Variants in ADARB2 observed in about 807,000 individuals in gnomAD.
The protein encoded by ADARB2 is adenosine deaminase RNA specific B2 (inactive).
ADARB2 carries 25 observed loss-of-function variants against 62.2 expected under a neutral mutation model. The ratio of observed to expected loss-of-function variants is 0.40; its 90% CI spans 0.29 to 0.56. The LOEUF (loss-of-function observed/expected upper bound fraction) is 0.56. Among genes scored for constraint, ADARB2 ranks in the 20% least tolerant of loss-of-function variants. The probability of loss-of-function intolerance (pLI) is 0.43; values close to 1 mark genes in which losing one functional copy is unlikely to be tolerated. For missense variants in ADARB2, 1,071 were observed against 1,077.4 expected, an observed-to-expected ratio of 0.99 and a Z score of 0.08; for synonymous variants, 572 against 500.8, an observed-to-expected ratio of 1.14 and a Z score of -1.90.
At chr10:1,527,425 CCT>C (rs1832162176) in intron 1 of ADARB2, among the ~76,000 whole-genome samples, 1 of 137,752 alleles carries the variant, frequency 7.3e-6, no homozygotes, top group Non-Finnish European at 1.6e-5. Context: ...CAGCAAACTG[CCT>C]GATGATATTT....
At chr10:1,626,261 A>ACGCTCTCTCT (rs1564350926) in intron 1 of ADARB2, among the ~76,000 whole-genome samples, 5 of 123,956 alleles carry the variant, frequency 4.0e-5, no homozygotes, top group African/African-American at 1.5e-4. Flanking sequence ...ACATCTGCCC[A>ACGCTCTCTCT]TGCTCTCTCC....
intron 1 of ADARB2, among the ~76,000 whole-genome samples, chr10:1,528,224 G>A (rs1445975303): frequency 2.0e-5 from 3 of 152,194 alleles, no homozygotes; most frequent in East Asian, 1.9e-4. Flanking sequence ...GCAGCTCCGC[G>A]CCTCCTGTGA....
At chr10:1,293,544 T>C (rs1397501759) in intron 3 of ADARB2, among the ~76,000 whole-genome samples, 1 of 152,230 alleles carries the variant, frequency 6.6e-6, no homozygotes, top group East Asian at 1.9e-4. Flanking sequence ...GCATTCTCGC[T>C]GGAAAGGCTC....
chr10:1,405,681 A>T (rs1424733708), intron 1 of ADARB2, among the ~76,000 whole-genome samples: 1 of 151,920 alleles, frequency 6.6e-6, no homozygotes, highest in African/African-American at 2.4e-5. Flanking sequence ...GAAATGTACC[A>T]GAATCCACCC....
At chr10:1,688,739 A>G (rs1233764523) in intron 1 of ADARB2, among the ~76,000 whole-genome samples, 1 of 152,168 alleles carries the variant, frequency 6.6e-6, no homozygotes, top group East Asian at 1.9e-4. Context: ...TCAGTTTGAG[A>G]GGGGAATGGT....
Position 1,612,627 on chromosome 10 carries a change from G to A in ADARB2, c.100+124424C>T, listed in dbSNP as rs564344044. Among the ~76,000 whole-genome samples the A allele has an allele frequency of 7.7e-4, 118 of 152,274 alleles. 1 individual carries two copies. Among genetic ancestry groups the A allele is most frequent in the Non-Finnish European group, 1.3e-3 (89 of 68,020 alleles). ...GTCCAAATCACCTGCCAGTGATAGA[G>A]CCAATATCGCAGCCCTGTGTGTTGC... On this transcript the variant is annotated intron_variant, in intron 1 of 9. Transcript: ENST00000381312.
intron 1 of ADARB2, among the ~76,000 whole-genome samples, chr10:1,385,279 A>C (rs1832516247): frequency 6.6e-6 from 1 of 152,210 alleles, no homozygotes; most frequent in African/African-American, 2.4e-5. Context: ...CAGCAGGAGA[A>C]TATGACCAAT....
intron 3 of ADARB2, among the ~76,000 whole-genome samples, chr10:1,311,451 G>T (rs1831689954): frequency 6.6e-6 from 1 of 152,038 alleles, no homozygotes; most frequent in African/African-American, 2.4e-5. Context: ...TCTAATAAAT[G>T]CTTAGTGGGT....
chr10:1,406,333 G>A (rs536196223), intron 1 of ADARB2, among the ~76,000 whole-genome samples: 1 of 152,332 alleles, frequency 6.6e-6, no homozygotes, highest in South Asian at 2.1e-4. Flanking sequence ...CTTGCTGTCT[G>A]TGATCACCTT....
intron 3 of ADARB2, among the ~76,000 whole-genome samples, chr10:1,348,803 A>T (rs557139884): frequency 6.6e-6 from 1 of 152,312 alleles, no homozygotes; most frequent in South Asian, 2.1e-4. Context: ...CTGAGTGCCC[A>T]TGCACCCCAG....
intron 1 of ADARB2, among the ~76,000 whole-genome samples, chr10:1,644,664 C>T (rs1466839755): frequency 6.6e-6 from 1 of 152,244 alleles, no homozygotes; most frequent in Non-Finnish European, 1.5e-5. Context: ...GGAGCACAAG[C>T]AATTTTTCTT....
At chr10:1,632,938 G>C (rs879840503) in intron 1 of ADARB2, among the ~76,000 whole-genome samples, 8 of 152,192 alleles carry the variant, frequency 5.3e-5, no homozygotes, top group Non-Finnish European at 1.0e-4. Flanking sequence ...GAGTCAAGAA[G>C]CTCTGCCCTT....
intron 1 of ADARB2, among the ~76,000 whole-genome samples, chr10:1,498,896 A>G (rs1429730469): frequency 6.6e-6 from 1 of 151,770 alleles, no homozygotes; most frequent in Non-Finnish European, 1.5e-5. Context: ...TTCATCACTC[A>G]ACACTCACTC....
In ADARB2 at chr10:1,374,662, C is replaced by T. The variant is rs114803480; in HGVS notation, c.187+4412G>A. ...GCGCTTGCTCCAGAGCTCAGGCATC[C>T]TCTCCTCTGGCTCCCGCCGTCCGTC... On this transcript the variant is annotated intron_variant, in intron 2 of 9. Coordinates refer to ENST00000381312, the MANE Select transcript of ADARB2 (RefSeq NM_018702.4). Among the ~76,000 whole-genome samples, 736 of 152,300 alleles carry T rather than the reference C, an allele frequency of 4.8e-3. 6 individuals carry two copies. The highest frequency in any genetic ancestry group is 0.017 in the African/African-American group (692 of 41,568).
chr10:1,372,097 T>C (rs4880835), intron 2 of ADARB2, among the ~76,000 whole-genome samples: 3,679 of 152,274 alleles, frequency 0.024, 100 homozygotes, highest in East Asian at 0.12. Context: ...AAAGAAAATG[T>C]AGTACATATA....
intron 1 of ADARB2, among the ~76,000 whole-genome samples, chr10:1,733,650 TTTCTTTA>T (rs1393724189): frequency 6.6e-6 from 1 of 152,212 alleles, no homozygotes; most frequent in Non-Finnish European, 1.5e-5. Flanking sequence ...AAAAACCCTT[TTTCTTTA>T]TTATTTTTTG....
At chr10:1,485,586 C>A (rs1009411996) in intron 1 of ADARB2, among the ~76,000 whole-genome samples, 2 of 152,180 alleles carry the variant, frequency 1.3e-5, no homozygotes, top group Non-Finnish European at 2.9e-5. Flanking sequence ...TCCCAGGTCT[C>A]GTCAGCATAG....
chr10:1,556,278 A>G (rs1477382871), intron 1 of ADARB2, among the ~76,000 whole-genome samples: 1 of 120,446 alleles, frequency 8.3e-6, no homozygotes, highest in African/African-American at 2.7e-5. Flanking sequence ...TTTTTTTTTA[A>G]ATTTCTTTAC....
intron 3 of ADARB2, among the ~76,000 whole-genome samples, chr10:1,272,771 C>T (rs1831275260): frequency 6.6e-6 from 1 of 152,236 alleles, no homozygotes; most frequent in Admixed American, 6.5e-5. Context: ...AGAGGGAAAC[C>T]TGTGTCCTGG....
Sources: gnomAD v4.1 joint callset for allele counts (sites outside exome capture counted in the v4.1 genomes callset) on GRCh38, gnomAD v4.1.1 for gene constraint, MANE v1.5 for transcripts, NCBI Gene and HGNC (gene_info 2026-07-23, HGNC 2026-07-21) for gene names.